The following TLK1 variants were observed in gnomAD, a reference collection of about 807,000 sequenced individuals.
TLK1 encodes tousled like kinase 1.
In TLK1, 24 loss-of-function variants were observed where a neutral mutation model predicts 105.3. The ratio of observed to expected loss-of-function variants is 0.23; its 90% confidence interval spans 0.17 to 0.32. The LOEUF (loss-of-function observed/expected upper bound fraction) is 0.32, where lower values mean the gene tolerates loss of function less well. TLK1 is among the 10% of genes least tolerant of loss of function. The pLI is 1.00. For missense variants in TLK1, 558 were observed against 910.5 expected (o/e 0.61, Z 4.98); for synonymous variants, 321 against 310.4 (o/e 1.03, Z -0.36).
At chr2:171,037,994 T>C (rs1686456771) in intron 11 of TLK1, among the ~76,000 whole-genome samples, 3 of 152,226 alleles carry the variant, frequency 2.0e-5, no homozygotes, top group African/African-American at 7.2e-5. Flanking sequence ...GCAGTTTTTC[T>C]CTGAATAAAT....
In TLK1 at chr2:171,058,182, C is replaced by A; in HGVS notation, c.422G>T (p.Gly141Val). 6.2e-7 allele frequency: 1 copy of A among 1,613,398 alleles called. No individual in the cohort carries two copies. The highest frequency in any genetic ancestry group is 1.3e-5 in the African/African-American group (1 of 74,982). Residue 141 changes from glycine (G) to valine (V), a missense_variant, in exon 5 of 21, where the codon GGA (glycine) becomes GTA (valine). Gly to Val is a moderately radical substitution (Grantham distance 109). Transcript: ENST00000431350. ...ATAGTCGCTAATTTTGTGGCCACGT[C>A]CCCCAATACTTTTTCCTAAAATATA... ...NESSQGKSIG[G>V]RGHKISDYFE...
intron 1 of TLK1, among the ~76,000 whole-genome samples, chr2:171,184,976 C>A (rs1408800502): frequency 6.6e-6 from 1 of 152,038 alleles, no homozygotes; most frequent in Non-Finnish European, 1.5e-5. Flanking sequence ...GAAGCTGGGA[C>A]TACAGGTGCC....
intron 1 of TLK1, among the ~76,000 whole-genome samples, chr2:171,135,667 T>C (rs1459111097): frequency 6.6e-6 from 1 of 151,826 alleles, no homozygotes; most frequent in African/African-American, 2.4e-5. Context: ...CCGGGAGTGG[T>C]GGTGGGCACC....
chr2:170,998,076 AT>A (rs1400455360), intron 18 of TLK1, among the ~76,000 whole-genome samples: 159 of 96,448 alleles, frequency 1.6e-3, no homozygotes, highest in African/African-American at 4.9e-3. Flanking sequence ...CTATCTATCT[AT>A]CTATCTATCT....
intron 10 of TLK1, among the ~76,000 whole-genome samples, chr2:171,049,305 AT>A (rs1318230382): frequency 2.0e-5 from 3 of 152,086 alleles, no homozygotes; most frequent in Admixed American, 1.3e-4. Flanking sequence ...TAAATAAATA[AT>A]AAATAGAGTT....
intron 1 of TLK1, among the ~76,000 whole-genome samples, chr2:171,223,831 G>A (rs1458837160): frequency 6.8e-6 from 1 of 146,974 alleles, no homozygotes; most frequent in Non-Finnish European, 1.5e-5. Context: ...TGAGTTGTTT[G>A]AGCTCCTTGT....
At chr2:171,137,486 T>A (rs1362414757) in intron 1 of TLK1, among the ~76,000 whole-genome samples, 1 of 152,190 alleles carries the variant, frequency 6.6e-6, no homozygotes, top group Non-Finnish European at 1.5e-5. Context: ...GCCATCTACA[T>A]ATACACCCAG....
At chr2:170,996,796 C>T (rs1234011295) in intron 19 of TLK1, 36 bp from the exon 20 acceptor site, 6 of 1,533,066 alleles carry the variant, frequency 3.9e-6, no homozygotes, top group Non-Finnish European at 5.3e-6. Flanking sequence ...ATACTTTTCT[C>T]ACAAAATATT....
At chr2:171,165,780 G>GCTACAAGTTAGAGCTGCTTCTCCC (rs1692597078), upstream of TLK1, among the ~76,000 whole-genome samples, 5 of 151,722 alleles carry the variant, frequency 3.3e-5, no homozygotes, top group African/African-American at 9.7e-5. Context: ...GCATGGTGGC[G>GCTACAAGTTAGAGCTGCTTCTCCC]CACACCTGTA....
In TLK1 at chr2:170,992,581, A is replaced by C. The variant is rs973559471; in HGVS notation, c.*1199T>G. 4 of 152,594 alleles carry C rather than the reference A, an allele frequency of 2.6e-5. No individual in the cohort carries two copies. The highest frequency in any genetic ancestry group is 5.9e-5 in the Non-Finnish European group (4 of 67,992). 9.5% of individuals were successfully genotyped at this position (152,594 alleles called of 1,614,324 possible). On this transcript the variant is annotated 3_prime_UTR_variant, in exon 21 of 21. Transcript: ENST00000431350. Reference sequence around the variant, plus strand: ...ATAACCATGAACAAATTAAAAATCTAGTATCTATGTGTTCTACAGCCCTAG... The same window carrying C: ...ATAACCATGAACAAATTAAAAATCTCGTATCTATGTGTTCTACAGCCCTAG...
chr2:171,165,239 C>T (rs373175369), upstream of TLK1, among the ~76,000 whole-genome samples: 37 of 152,304 alleles, frequency 2.4e-4, no homozygotes, highest in African/African-American at 7.2e-4. Flanking sequence ...CTAGAGAGAA[C>T]GTTCTGAGTG....
rs1336976141 is a variant in TLK1 at position 170,993,699 on chromosome 2, AAAC to A, written c.*78_*80del. 18 of 1,162,632 alleles carry A rather than the reference AAAC, an allele frequency of 1.5e-5. No homozygotes were observed. Among genetic ancestry groups the A allele is most frequent in the African/African-American group, 9.4e-5 (6 of 63,854 alleles). 72.0% of individuals were successfully genotyped at this position (1,162,632 alleles called of 1,614,324 possible). On this transcript the variant is annotated 3_prime_UTR_variant, in exon 21 of 21. Transcript: ENST00000431350. ...AAAAAAAAAAAAAAAAAGAAAAAGAAAACAAACACTCAAATGCTCTCAAACTTA... is the reference window on the plus strand; with the variant it reads ...AAAAAAAAAAAAAAAAAGAAAAAGAAAAACACTCAAATGCTCTCAAACTTA...
intron 1 of TLK1, among the ~76,000 whole-genome samples, chr2:171,128,040 G>C (rs1690942847): frequency 6.6e-6 from 1 of 152,058 alleles, no homozygotes; most frequent in Non-Finnish European, 1.5e-5. Context: ...GTCTAATCTA[G>C]AATCATTCCA....
At chr2:171,165,639 G>A (rs1575643413), upstream of TLK1, among the ~76,000 whole-genome samples, 1 of 152,160 alleles carries the variant, frequency 6.6e-6, no homozygotes, top group Admixed American at 6.5e-5. Context: ...GAGGCTGGGG[G>A]CTGTGGCTCA....
chr2:171,177,298 T>C (rs1238536899), intron 1 of TLK1, among the ~76,000 whole-genome samples: 1 of 151,708 alleles, frequency 6.6e-6, no homozygotes, highest in East Asian at 1.9e-4. Flanking sequence ...CACACCACCA[T>C]GCCTGGCTAA....
At chr2:171,119,749 AG>A (rs1280710630) in intron 1 of TLK1, among the ~76,000 whole-genome samples, 1 of 152,248 alleles carries the variant, frequency 6.6e-6, no homozygotes, top group African/African-American at 2.4e-5. Context: ...CAAATGGTGC[AG>A]GGAAAACTGG....
intron 2 of TLK1, among the ~76,000 whole-genome samples, chr2:171,092,442 T>C (rs1379764051): frequency 6.6e-6 from 1 of 152,248 alleles, no homozygotes; most frequent in Non-Finnish European, 1.5e-5. Context: ...CTACTGGCTC[T>C]CTGTAGTTGT....
chr2:171,060,914 G>A (rs961503537), intron 4 of TLK1, among the ~76,000 whole-genome samples, 167 bp downstream of exon 4: 3 of 151,876 alleles, frequency 2.0e-5, no homozygotes, highest in African/African-American at 4.8e-5. Context: ...AAACAATAAG[G>A]GCAACATTGA....
intron 1 of TLK1, among the ~76,000 whole-genome samples, chr2:171,128,401 A>G (rs1023072514): frequency 6.6e-6 from 1 of 152,166 alleles, no homozygotes; most frequent in Non-Finnish European, 1.5e-5. Flanking sequence ...TGGAGATAAT[A>G]AAAGTACATA....
Sources: allele counts gnomAD v4.1 joint callset (sites outside exome capture counted in the v4.1 genomes callset), GRCh38; gene constraint gnomAD v4.1.1; transcripts MANE v1.5; gene names NCBI Gene and HGNC (gene_info 2026-07-23, HGNC 2026-07-21).